DDX60: variants seen among roughly 807,000 people sequenced by gnomAD.
DDX60 encodes the protein DExD/H-box helicase 60.
Under a neutral mutation model 212.8 loss-of-function variants are expected in DDX60, and 165 were observed. The observed-to-expected ratio is 0.78, with a 90% CI of 0.68 to 0.88. The LOEUF is 0.88. Among genes scored for constraint, DDX60 ranks in the 40% least tolerant of loss-of-function variants. The probability of loss-of-function intolerance (pLI) is 0.00; values close to 1 mark genes in which losing one functional copy is unlikely to be tolerated. For missense variants in DDX60, 1,905 were observed against 2,003.9 expected, an observed-to-expected ratio of 0.95 and a Z score of 0.94; for synonymous variants, 703 against 685.3, an observed-to-expected ratio of 1.03 and a Z score of -0.40.
At chr4:168,240,329 A>G (rs1262796256) in intron 30 of DDX60, among the ~76,000 whole-genome samples, 1 of 152,222 alleles carries the variant, frequency 6.6e-6, no homozygotes, top group African/African-American at 2.4e-5. Context: ...AGAGGACACA[A>G]ACAAATGAAA....
chr4:168,311,992 C>T (rs1301216772), intron 1 of DDX60, among the ~76,000 whole-genome samples: 1 of 152,124 alleles, frequency 6.6e-6, no homozygotes, highest in Non-Finnish European at 1.5e-5. Flanking sequence ...AAGAAAGTTA[C>T]TGTGCAGGAG....
At chr4:168,278,491 A>G (rs1735447241) in intron 14 of DDX60, among the ~76,000 whole-genome samples, 1 of 152,234 alleles carries the variant, frequency 6.6e-6, no homozygotes, top group African/African-American at 2.4e-5. Context: ...TAGGATGGTT[A>G]CACAAATTCA....
intron 19 of DDX60, among the ~76,000 whole-genome samples, chr4:168,270,875 C>CTTTTT (rs759054592): frequency 4.9e-3 from 546 of 110,790 alleles, no homozygotes; most frequent in Non-Finnish European, 6.0e-3. Context: ...TTCTTTCTTT[C>CTTTTT]TTTTTTTTTT....
chr4:168,319,149 C>G (rs74395103), upstream of DDX60, among the ~76,000 whole-genome samples: 5,978 of 151,740 alleles, frequency 0.039, 162 homozygotes, highest in Non-Finnish European at 0.059. Context: ...TGTATTGAAA[C>G]GTCACATTGT....
chr4:168,232,650 A>C (rs1288092513), intron 33 of DDX60, among the ~76,000 whole-genome samples: 1 of 152,022 alleles, frequency 6.6e-6, no homozygotes, highest in African/African-American at 2.4e-5. Flanking sequence ...GATAATTGGC[A>C]AGCCACACGT....
chr4:168,277,703 G>A (rs944392190), intron 14 of DDX60, among the ~76,000 whole-genome samples: 4 of 151,672 alleles, frequency 2.6e-5, no homozygotes, highest in Non-Finnish European at 1.5e-5. Context: ...CAGCTACTCA[G>A]GAGGCTGAGG....
chr4:168,276,038 C>G lies in DDX60; in HGVS notation c.2122G>C (p.Ala708Pro). 2 of 1,611,902 alleles carry G rather than the reference C, an allele frequency of 1.2e-6. No individual in the cohort carries two copies. The highest frequency in any genetic ancestry group is 8.5e-7 in the Non-Finnish European group (1 of 1,178,746). ...CLKYLGFDEL[A>P]SSLHPAQDAE... ...ACCTGGGCTGGATGTAAAGAACTTG[C>G]CAACTCATCAAATCCTAAATACTTA... The change falls in exon 15 of 38, where the codon GCA becomes CCA. Residue 708 changes from alanine to proline, a missense_variant. Ala to Pro is a conservative substitution (Grantham distance 27, BLOSUM62 -1). Coordinates refer to ENST00000393743, the MANE Select transcript of DDX60 (RefSeq NM_017631.6).
At chr4:168,286,954 A>AT (rs1377902940) in intron 10 of DDX60, 94 bp downstream of exon 10, 4 of 943,092 alleles carry the variant, frequency 4.2e-6, no homozygotes, top group Non-Finnish European at 4.5e-6. Flanking sequence ...GTGCCAGAAA[A>AT]TTATTTATAC....
At chr4:168,307,486 C>T (rs1736935862) in intron 4 of DDX60, among the ~76,000 whole-genome samples, 1 of 152,118 alleles carries the variant, frequency 6.6e-6, no homozygotes, top group African/African-American at 2.4e-5. Context: ...CTATGTCACC[C>T]AGGCTGAAGT....
chr4:168,271,965 G>A, intron 19 of DDX60, 78 bp downstream of exon 19: 2 of 1,153,348 alleles, frequency 1.7e-6, no homozygotes, highest in Non-Finnish European at 2.5e-6. Context: ...GGGGATAGAT[G>A]TCCTGAAACA....
intron 14 of DDX60, among the ~76,000 whole-genome samples, chr4:168,278,465 C>A (rs1302205511): frequency 1.3e-5 from 2 of 152,128 alleles, no homozygotes; most frequent in Non-Finnish European, 2.9e-5. Context: ...TGACAATGAC[C>A]CATTTTCTTC....
intron 3 of DDX60, among the ~76,000 whole-genome samples, chr4:168,309,198 A>G (rs1737024506): frequency 6.6e-6 from 1 of 152,172 alleles, no homozygotes. Flanking sequence ...GTGATCTCTC[A>G]TGGTTCTTGC....
In DDX60 at chr4:168,293,939, T is replaced by G. The variant is rs1369302669; in HGVS notation, c.730A>C (p.Lys244Gln). 5.6e-6 allele frequency: 9 copies of G among 1,597,572 alleles called. No homozygotes were observed. In the African/African-American group the frequency reaches 6.8e-5, roughly 12 times the overall value. ...KWNNITEEAHKTVSLLTQVWP... is the reference protein window; with the variant it reads ...KWNNITEEAHQTVSLLTQVWP... Reference sequence around the variant, plus strand: ...ACTTGTGTAAGCAGAGATACAGTCTTGTGTGCCTGTCAAAGAAAAAAATTG... The same window carrying G: ...ACTTGTGTAAGCAGAGATACAGTCTGGTGTGCCTGTCAAAGAAAAAAATTG... The change falls in exon 7 of 38, where the codon AAG (lysine) becomes CAG (glutamine). Residue 244 changes from lysine to glutamine, a missense_variant. Coordinates refer to ENST00000393743, the MANE Select transcript of DDX60 (RefSeq NM_017631.6).
At chr4:168,240,901 G>A (rs1423609001) in intron 30 of DDX60, among the ~76,000 whole-genome samples, 1 of 152,126 alleles carries the variant, frequency 6.6e-6, no homozygotes, top group African/African-American at 2.4e-5. Flanking sequence ...TAATTGATGT[G>A]GTTTGGCTGT....
Position 168,248,198 on chromosome 4 carries a change from T to C in DDX60, c.3953A>G (p.Asn1318Ser), listed in dbSNP as rs551402005. The C allele has an allele frequency of 3.2e-5, 51 of 1,604,408 alleles. No individual in the cohort carries two copies. The highest frequency in any genetic ancestry group is 1.5e-5 in the Non-Finnish European group (18 of 1,176,602). Residue 1318 changes from asparagine (N) to serine (S), a missense_variant, in exon 29 of 38, where the codon AAT becomes AGT. Asn to Ser is a conservative substitution (Grantham distance 46). Transcript: ENST00000393743. ...AQNSVYLDALNYRQMSGRAGR... is the reference protein window; with the variant it reads ...AQNSVYLDALSYRQMSGRAGR... ...TGCATTTTGCAATACCTGTCTATAA[T>C]TCAACGCATCCAGATAGACTGAGTT...
At chr4:168,316,171 G>T (rs888115008) in intron 1 of DDX60, among the ~76,000 whole-genome samples, 1 of 152,156 alleles carries the variant, frequency 6.6e-6, no homozygotes, top group African/African-American at 2.4e-5. Context: ...GAGAACCCAT[G>T]GTACTTCGAA....
chr4:168,319,896 T>C (rs1579099327), upstream of DDX60, among the ~76,000 whole-genome samples: 1 of 152,048 alleles, frequency 6.6e-6, no homozygotes, highest in African/African-American at 2.4e-5. Flanking sequence ...TGTGAAAAAT[T>C]AGAGAGTCAA....
At chr4:168,290,157 G>T (rs1278065897) in intron 8 of DDX60, among the ~76,000 whole-genome samples, 5 of 152,084 alleles carry the variant, frequency 3.3e-5, no homozygotes, top group African/African-American at 1.2e-4. Flanking sequence ...TACCCCTGCT[G>T]TGATAGATGT....
intron 32 of DDX60, among the ~76,000 whole-genome samples, chr4:168,236,955 T>C (rs1484947119): frequency 2.0e-5 from 3 of 151,282 alleles, no homozygotes; most frequent in African/African-American, 7.3e-5. Flanking sequence ...TATATCCTTT[T>C]TCTATGATGA....
Sources: allele counts gnomAD v4.1 joint callset (sites outside exome capture counted in the v4.1 genomes callset), GRCh38; gene constraint gnomAD v4.1.1; transcripts MANE v1.5; gene names NCBI Gene and HGNC (gene_info 2026-07-23, HGNC 2026-07-21).